CXXC1: variants seen among roughly 807,000 people sequenced by gnomAD.
The protein encoded by CXXC1 is CXXC-type zinc finger protein 1.
CXXC1 carries 21 observed loss-of-function variants against 83.6 expected under a neutral mutation model. That is an observed-to-expected ratio of 0.25 (90% confidence interval 0.18 to 0.36). The LOEUF (loss-of-function observed/expected upper bound fraction) is 0.36. Ranked by LOEUF, CXXC1 falls within the 10% of genes least tolerant of loss-of-function variation. The probability of loss-of-function intolerance (pLI) is 1.00; values close to 1 mark genes in which losing one functional copy is unlikely to be tolerated. For synonymous variants in CXXC1, 371 were observed against 337.5 expected, an observed-to-expected ratio of 1.10 and a Z score of -1.09; for missense variants, 688 against 919.5, an observed-to-expected ratio of 0.75 and a Z score of 3.26.
At chr18:50,283,050 G>A (rs1242896400) in intron 13 of CXXC1, 44 bp from the exon 14 acceptor site, 10 of 1,605,706 alleles carry the variant, frequency 6.2e-6, no homozygotes, top group African/African-American at 1.3e-5. Context: ...GGTGATAAGG[G>A]AGAATAGGAA....
chr18:50,283,101 A>G (rs1456071572), intron 13 of CXXC1, 95 bp from the exon 14 acceptor site: 3 of 1,445,306 alleles, frequency 2.1e-6, no homozygotes, highest in Non-Finnish European at 2.9e-6. Context: ...TGGAGGGTTC[A>G]GGGAACGGTG....
Position 50,285,221 on chromosome 18 carries a change from G to C in CXXC1, c.693C>G (p.Ser231=). The change falls in exon 7 of 15, where the codon TCC becomes TCG. Residue 231 remains serine, a synonymous_variant. Coordinates refer to ENST00000285106, the MANE Select transcript of CXXC1 (RefSeq NM_014593.4). The surrounding 1 kb of genome is among the most constrained non-coding windows in gnomAD (Gnocchi z 4.4). ...GCAGTGGCCGGCGGGGCCTTGGCAG[G>C]GACTCTGAGGGCGTCACTGGTGAGA... ...SSLSPVTPSE[S]LPRPRRPLPT... 1 of 1,614,168 alleles carries C rather than the reference G, an allele frequency of 6.2e-7. No homozygotes were observed. Among genetic ancestry groups the C allele is most frequent in the Non-Finnish European group, 8.5e-7 (1 of 1,180,012 alleles).
chr18:50,284,139 G>C (rs2040674512), intron 9 of CXXC1, 38 bp from the exon 10 acceptor site: 2 of 1,581,384 alleles, frequency 1.3e-6, no homozygotes, highest in Non-Finnish European at 1.7e-6. Flanking sequence ...TGAGTGAGGT[G>C]ATCAGTAAGT....
rs1403141528 is a variant in CXXC1, at chr18:50,284,538, G to C, written c.1045C>G (p.Arg349Gly). The C allele has an allele frequency of 6.3e-7, 1 of 1,591,284 alleles. No individual in the cohort carries two copies. Among genetic ancestry groups the C allele is most frequent in the Non-Finnish European group, 8.6e-7 (1 of 1,167,888 alleles). The change falls in exon 9 of 15, where the codon CGG becomes GGG. Residue 349 changes from arginine to glycine, a missense_variant. Transcript: ENST00000285106. The stretch of plus-strand genomic sequence containing the variant: ...TTATCCTTGTGCTTCTGCTTCTGCC[G>C]ATGCCGCTTGTATCGCTCCTCCTTC... ...KKKEERYKRH[R>G]QKQKHKDKWK... is the part of the protein sequence containing the mutation.
Position 50,284,017 on chromosome 18 carries a change from G to C in CXXC1, c.1290C>G (p.Leu430=), listed in dbSNP as rs146287219. The change falls in exon 10 of 15, where the codon CTC becomes CTG. Residue 430 remains leucine (L), a synonymous_variant. Coordinates refer to ENST00000285106, the MANE Select transcript of CXXC1 (RefSeq NM_014593.4). ...TCTGCTGCTCTCGGCGAATGCGTTC[G>C]AGCAGCTTCTTGCCGTGCTCTTCAG... The part of the protein sequence containing the change: ...CIAEEHGKKL[L]ERIRREQQSA... 1.1e-5 allele frequency: 18 copies of C among 1,612,718 alleles called. No homozygotes were observed. The highest frequency in any genetic ancestry group is 1.5e-5 in the Non-Finnish European group (18 of 1,179,890).
Position 50,285,082 on chromosome 18 carries a change from G to C in CXXC1, c.832C>G (p.Pro278Ala). Reference sequence around the variant, plus strand: ...AGAGGTAGGTCCTCATCTGAGAGTGGCTCAGGTGTGGCTGTAGCCTCAGGA... The same window carrying C: ...AGAGGTAGGTCCTCATCTGAGAGTGCCTCAGGTGTGGCTGTAGCCTCAGGA... Reference protein sequence around the residue: ...EPPEATATPEPLSDEDLPLDP... With the variant: ...EPPEATATPEALSDEDLPLDP... The change falls in exon 7 of 15, where the codon CCA becomes GCA. Residue 278 changes from proline to alanine, a missense_variant. Physicochemically the swap from Pro to Ala is conservative, Grantham distance 27. Transcript: ENST00000285106. The surrounding 1 kb of genome is among the most constrained non-coding windows in gnomAD (Gnocchi z 4.4). The C allele has an allele frequency of 6.2e-7, 1 of 1,614,246 alleles. No individual in the cohort carries two copies. Among genetic ancestry groups the C allele is most frequent in the Non-Finnish European group, 8.5e-7 (1 of 1,180,026 alleles).
At position 50,282,432 on chromosome 18, in the gene CXXC1, TGTCGACGGGGACA is replaced by T; in HGVS notation, c.*148_*160del. 1.1e-6 allele frequency: 1 copy of T among 877,726 alleles called. No individual in the cohort carries two copies. The highest frequency in any genetic ancestry group is 2.4e-5 in the East Asian group (1 of 40,948). The allele number at this position is 877,726 out of a possible 1,614,324, so 54.4% of individuals were successfully genotyped here. A position where few individuals can be genotyped will look rare whatever the true frequency, so the allele number is the denominator to read the frequency against. ...CCGCAGCCCCACCAGGCACTGAACA[TGTCGACGGGGACA>T]GTCCCTCTGATAAAGGCAGATGGGC... On this transcript the variant is annotated 3_prime_UTR_variant, in exon 15 of 15. Coordinates refer to ENST00000285106, the MANE Select transcript of CXXC1 (RefSeq NM_014593.4). This position sits in a 1 kb window ranked among gnomAD's most constrained non-coding sequence, Gnocchi z 5.8.
At chr18:50,287,509 C>T in intron 1 of CXXC1, 78 bp downstream of exon 1, 2 of 1,560,614 alleles carry the variant, frequency 1.3e-6, no homozygotes, top group Non-Finnish European at 1.8e-6. Context: ...CCACAGACCC[C>T]TGAGTCGGCC....
chr18:50,286,510 T>C (rs771327301), intron 3 of CXXC1, 29 bp downstream of exon 3: 1 of 1,589,404 alleles, frequency 6.3e-7, no homozygotes, highest in Non-Finnish European at 8.6e-7. Flanking sequence ...AAGCCCCACC[T>C]GCCTTCCCTG....
chr18:50,283,094 A>G (rs978848912), intron 13 of CXXC1, 88 bp from the exon 14 acceptor site: 34 of 1,471,076 alleles, frequency 2.3e-5, no homozygotes, highest in Non-Finnish European at 3.2e-5. Flanking sequence ...AAAAGAATGG[A>G]GGGTTCAGGG....
At position 50,282,837 on chromosome 18, in the gene CXXC1, A is replaced by C; in HGVS notation, c.1824+17T>G. 1.2e-6 allele frequency: 2 copies of C among 1,613,626 alleles called. No individual in the cohort carries two copies. Among genetic ancestry groups the C allele is most frequent in the Non-Finnish European group, 1.7e-6 (2 of 1,179,646 alleles). The stretch of plus-strand genomic sequence containing the variant: ...GAAACCTACCACATGCAGCACCAAA[A>C]CCGCACAGAAACCTACCACACGCAC... On this transcript the variant is annotated intron_variant, in intron 14 of 14. Coordinates refer to ENST00000285106, the MANE Select transcript of CXXC1 (RefSeq NM_014593.4). This position sits in a 1 kb window ranked among gnomAD's most constrained non-coding sequence, Gnocchi z 5.8.
rs746255767 is a variant in CXXC1 at position 50,282,892 on chromosome 18, G to C, written c.1786C>G (p.Leu596Val). Residue 596 changes from leucine (L) to valine (V), a missense_variant, in exon 14 of 15, where the codon CTG (leucine) becomes GTG (valine). By Grantham distance (32) the Leu-to-Val change is conservative (BLOSUM62 1). Around this residue, in one of 9 missense-constraint regions of CXXC1, gnomAD observed 114 missense variants for 173.3 expected, o/e 0.66. Transcript: ENST00000285106. The surrounding 1 kb of genome is among the most constrained non-coding windows in gnomAD (Gnocchi z 5.8). ...TCCAAGTCCACTTCCGCACGCCGCA[G>C]CTTCTCCCAGCAGTAATGGCGATTG... ...QCNRHYCWEK[L>V]RRAEVDLERV... is the part of the protein sequence containing the mutation. 1 of 1,614,214 alleles carries C rather than the reference G, an allele frequency of 6.2e-7. No individual in the cohort carries two copies. Among genetic ancestry groups the C allele is most frequent in the Non-Finnish European group, 8.5e-7 (1 of 1,180,034 alleles).
rs2040672710 is a variant in CXXC1, at chr18:50,284,047, G to C, written c.1260C>G (p.Cys420Trp). 1 of 1,611,390 alleles carries C rather than the reference G, an allele frequency of 6.2e-7. No individual in the cohort carries two copies. Among genetic ancestry groups the C allele is most frequent in the Non-Finnish European group, 8.5e-7 (1 of 1,179,900 alleles). The change falls in exon 10 of 15, where the codon TGC (cysteine) becomes TGG (tryptophan). Residue 420 changes from cysteine (C) to tryptophan (W), a missense_variant. Physicochemically the swap from Cys to Trp is radical, Grantham distance 215. Transcript: ENST00000285106. ...GCTTCTTGCCGTGCTCTTCAGCAAT[G>C]CAAGGGCTCTGCTGCCACTGCTGGA... The part of the protein sequence containing the change: ...QRIQQWQQSP[C>W]IAEEHGKKLL...
Position 50,286,155 on chromosome 18 carries a change from C to T in CXXC1, c.326G>A (p.Arg109His), listed in dbSNP as rs771983953. The change falls in exon 4 of 15, where the codon CGC becomes CAC. Residue 109 changes from arginine (R) to histidine (H), a missense_variant. Arg to His is a conservative substitution (Grantham distance 29, BLOSUM62 0). This residue lies in a region of CXXC1 where 142 missense variants were observed against 150.7 expected (regional missense o/e 0.94). Coordinates refer to ENST00000285106, the MANE Select transcript of CXXC1 (RefSeq NM_014593.4). ...SSEPRDEGGG[R>H]KRPVPDPDLQ... is the part of the protein sequence containing the mutation. ...GTCTGGATCAGGGACAGGCCTCTTG[C>T]GCCCTCCACCCTCATCCCGGGGCTC... The T allele has an allele frequency of 1.1e-5, 18 of 1,613,824 alleles. No homozygotes were observed. Among genetic ancestry groups the T allele is most frequent in the African/African-American group, 2.7e-5 (2 of 74,926 alleles).
chr18:50,285,744 C>T lies in CXXC1; in HGVS notation c.639+5G>A. 1 of 1,611,286 alleles carries T rather than the reference C, an allele frequency of 6.2e-7. No homozygotes were observed. The highest frequency in any genetic ancestry group is 8.5e-7 in the Non-Finnish European group (1 of 1,179,882). On this transcript the variant is annotated splice_donor_5th_base_variant and intron_variant, in intron 5 of 14. Coordinates refer to ENST00000285106, the MANE Select transcript of CXXC1 (RefSeq NM_014593.4). The surrounding 1 kb of genome is among the most constrained non-coding windows in gnomAD (Gnocchi z 4.4). ...CTGACCCTACCCAGCTCTGTCCATG[C>T]TCACCCGGGCCCGCAGCTGGCACTG...
chr18:50,286,458 T>C, intron 3 of CXXC1, 81 bp downstream of exon 3: 1 of 1,234,012 alleles, frequency 8.1e-7, no homozygotes, highest in Admixed American at 1.7e-5. Context: ...CGTGTATCAC[T>C]AATCCCCATA....
rs1405243036 is a variant in CXXC1 at position 50,286,233 on chromosome 18, C to A, written c.248G>T (p.Arg83Leu). 2 of 1,610,080 alleles carry A rather than the reference C, an allele frequency of 1.2e-6. No homozygotes were observed. The highest frequency in any genetic ancestry group is 1.7e-6 in the Non-Finnish European group (2 of 1,178,958). The change falls in exon 4 of 15, where the codon CGC (arginine) becomes CTC (leucine). Residue 83 changes from arginine (R) to leucine (L), a missense_variant. Around this residue, in one of 9 missense-constraint regions of CXXC1, gnomAD observed 142 missense variants for 150.7 expected, o/e 0.94. Transcript: ENST00000285106. ...CREKDPKLEI[R>L]YRHKKSRERD... is the part of the protein sequence containing the mutation. ...CTCCCGTGACTTCTTGTGCCGATAG[C>A]GAATCTCTAGCTTGGGGTCTTTCTC...
At position 50,282,500 on chromosome 18, in the gene CXXC1, C is replaced by T; in HGVS notation, c.*93G>A. On this transcript the variant is annotated 3_prime_UTR_variant, in exon 15 of 15. Transcript: ENST00000285106. The surrounding 1 kb of genome is among the most constrained non-coding windows in gnomAD (Gnocchi z 5.8). The stretch of plus-strand genomic sequence containing the variant: ...AACCGGTGGATGGGCACAGGGAGAA[C>T]CGGAGAAACAGATGAGTGGAGGAAC... 1.3e-6 allele frequency: 2 copies of T among 1,496,740 alleles called. No individual in the cohort carries two copies. Among genetic ancestry groups the T allele is most frequent in the Non-Finnish European group, 1.8e-6 (2 of 1,097,054 alleles). The allele number at this position is 1,496,740 out of a possible 1,614,324, so 92.7% of individuals were successfully genotyped here. A position where few individuals can be genotyped will look rare whatever the true frequency, so the allele number is the denominator to read the frequency against.
At chr18:50,287,507 C>T in intron 1 of CXXC1, 80 bp downstream of exon 1, 1 of 1,545,030 alleles carries the variant, frequency 6.5e-7, no homozygotes, top group Non-Finnish European at 8.9e-7. Flanking sequence ...CACCACAGAC[C>T]CCTGAGTCGG....
Sources: allele counts gnomAD v4.1 joint callset, GRCh38; gene constraint gnomAD v4.1.1; regional missense constraint gnomAD v4.1.1; non-coding constraint Gnocchi (gnomAD v3.1); transcripts MANE v1.5; gene names NCBI Gene and HGNC (gene_info 2026-07-23, HGNC 2026-07-21).